Variants in NRG1 observed in about 807,000 individuals in gnomAD.
NRG1 encodes neuregulin 1.
A neutral mutation model predicts 63.8 loss-of-function variants in NRG1; 18 were observed. The ratio of observed to expected loss-of-function variants is 0.28; its 90% CI spans 0.19 to 0.42. NRG1 has a LOEUF of 0.42. NRG1 is among the 10% of genes least tolerant of loss of function. The pLI is 1.00. For missense variants in NRG1, 762 were observed against 814.7 expected (o/e 0.94, Z 0.79); for synonymous variants, 302 against 301.3 (o/e 1.00, Z -0.02).
chr8:32,275,770 G>T (rs556785868), intron 1 of NRG1, among the ~76,000 whole-genome samples: 2 of 152,048 alleles, frequency 1.3e-5, no homozygotes, highest in South Asian at 4.2e-4. Context: ...AAGATCTGCG[G>T]CAGGCCCAGG....
intron 1 of NRG1, among the ~76,000 whole-genome samples, chr8:32,456,887 T>A (rs1046273388): frequency 1.3e-5 from 2 of 152,102 alleles, no homozygotes; most frequent in African/African-American, 4.8e-5. Flanking sequence ...ATCCCAGCAC[T>A]TTGGGAGGCC....
rs182308279 is a variant in NRG1, at chr8:31,959,933, A to G, written c.37+320502A>G. 9.0e-3 allele frequency among the ~76,000 whole-genome samples: 1,372 copies of G among 151,928 alleles called. 7 individuals carry two copies. The highest frequency in any genetic ancestry group is 0.024 in the Middle Eastern group (7 of 290). On this transcript the variant is annotated intron_variant, in intron 1 of 10. Coordinates refer to the NRG1 transcript ENST00000519301. Reference sequence around the variant, plus strand: ...CTCAGCCTCCCAAAATGCTGAGGCCACAGGCACGGATGCAGAGTTTGCAGA... The same window carrying G: ...CTCAGCCTCCCAAAATGCTGAGGCCGCAGGCACGGATGCAGAGTTTGCAGA...
chr8:32,547,735 G>C (rs116157680), upstream of NRG1, among the ~76,000 whole-genome samples: 1,946 of 152,194 alleles, frequency 0.013, 41 homozygotes, highest in African/African-American at 0.044. Context: ...CTTCCACCTA[G>C]AGTTTATTTT....
chr8:32,224,920 T>C (rs4733308), intron 1 of NRG1, among the ~76,000 whole-genome samples: 74,522 of 152,048 alleles, frequency 0.49, 20,404 homozygotes, highest in Admixed American at 0.64. Context: ...GTGTTAAACT[T>C]CCAGATGGCA....
intron 1 of NRG1, among the ~76,000 whole-genome samples, chr8:32,275,011 C>A (rs574624285): frequency 6.6e-5 from 10 of 152,162 alleles, no homozygotes; most frequent in African/African-American, 1.7e-4. Context: ...TTGGTCTGGG[C>A]GTATCCTGTG....
intron 1 of NRG1, among the ~76,000 whole-genome samples, chr8:32,478,270 G>GTC (rs72586961): frequency 2.0e-5 from 3 of 151,908 alleles, no homozygotes. Context: ...CATGTGGGGG[G>GTC]GCCTTTTTGC....
At chr8:32,438,014 A>G (rs1484909009) in intron 1 of NRG1, among the ~76,000 whole-genome samples, 1 of 152,180 alleles carries the variant, frequency 6.6e-6, no homozygotes, top group Admixed American at 6.5e-5. Flanking sequence ...ACATGCAGCT[A>G]TAAGAAATAA....
intron 1 of NRG1, among the ~76,000 whole-genome samples, chr8:31,932,869 C>A (rs931392356): frequency 6.6e-6 from 1 of 152,154 alleles, no homozygotes; most frequent in South Asian, 2.1e-4. Context: ...CATATAATTC[C>A]GAATCACTTG....
At chr8:32,202,753 T>G (rs1337385441) in intron 1 of NRG1, among the ~76,000 whole-genome samples, 1 of 151,520 alleles carries the variant, frequency 6.6e-6, no homozygotes, top group Non-Finnish European at 1.5e-5. Context: ...AAACTCCTCT[T>G]GACCTTCAGA....
At chr8:31,682,563 G>A (rs1471566442) in intron 1 of NRG1, among the ~76,000 whole-genome samples, 17 of 152,058 alleles carry the variant, frequency 1.1e-4, no homozygotes, top group Admixed American at 1.1e-3. Flanking sequence ...CAAGCACTGG[G>A]GAAACTGGGT....
chr8:31,950,396 A>G (rs1007742643), intron 1 of NRG1, among the ~76,000 whole-genome samples: 27 of 152,234 alleles, frequency 1.8e-4, no homozygotes, highest in Non-Finnish European at 3.7e-4. Context: ...TTAAGGGTGG[A>G]GATGGGAATA....
intron 5 of NRG1, among the ~76,000 whole-genome samples, chr8:32,708,019 A>G (rs778205380): frequency 5.3e-5 from 8 of 152,050 alleles, no homozygotes; most frequent in Non-Finnish European, 1.0e-4. Flanking sequence ...AATCTGTAAA[A>G]CAAAATAATA....
intron 1 of NRG1, among the ~76,000 whole-genome samples, chr8:31,750,695 C>A (rs1460199532): frequency 6.6e-6 from 1 of 151,876 alleles, no homozygotes; most frequent in African/African-American, 2.4e-5. Context: ...CCACAAGTGA[C>A]TATCTACATT....
chr8:32,481,271 C>T (rs865902239), intron 1 of NRG1, among the ~76,000 whole-genome samples: 3 of 152,108 alleles, frequency 2.0e-5, no homozygotes, highest in East Asian at 3.9e-4. Context: ...TTGAGCCTGG[C>T]AGGCGGAGGT....
At chr8:32,156,822 G>A (rs6990750) in intron 1 of NRG1, among the ~76,000 whole-genome samples, 16 of 152,168 alleles carry the variant, frequency 1.1e-4, no homozygotes, top group African/African-American at 2.6e-4. Flanking sequence ...TGTATTCTCC[G>A]CTACTCTGGA....
intron 1 of NRG1, among the ~76,000 whole-genome samples, chr8:31,944,649 C>T (rs1258654304): frequency 2.0e-5 from 3 of 152,194 alleles, no homozygotes. Context: ...CCTTGTATTT[C>T]ACAGATCCTA....
At chr8:32,168,495 G>A (rs1585791216) in intron 1 of NRG1, among the ~76,000 whole-genome samples, 2 of 152,206 alleles carry the variant, frequency 1.3e-5, no homozygotes, top group South Asian at 4.1e-4. Context: ...TCTGGAGCTG[G>A]CATATGCATG....
At chr8:32,125,707 C>G (rs770760629) in intron 1 of NRG1, among the ~76,000 whole-genome samples, 44 of 151,870 alleles carry the variant, frequency 2.9e-4, no homozygotes, top group African/African-American at 1.0e-3. Context: ...TCCATCACTA[C>G]CTCTTGTTTC....
At chr8:31,936,730 T>G (rs779486914) in intron 1 of NRG1, among the ~76,000 whole-genome samples, 7 of 152,238 alleles carry the variant, frequency 4.6e-5, no homozygotes, top group Non-Finnish European at 7.3e-5. Context: ...TTTCGTGGTG[T>G]TCATCACGTA....
Sources: gnomAD v4.1 joint callset for allele counts (sites outside exome capture counted in the v4.1 genomes callset) on GRCh38, gnomAD v4.1.1 for gene constraint, MANE v1.5 for transcripts, NCBI Gene and HGNC (gene_info 2026-07-23, HGNC 2026-07-21) for gene names.